The following CPT1A variants were observed in gnomAD, a reference collection of about 807,000 sequenced individuals.
CPT1A encodes carnitine palmitoyltransferase 1A.
A neutral mutation model predicts 100.8 loss-of-function variants in CPT1A; 64 were observed. The observed-to-expected ratio is 0.63, with a 90% confidence interval of 0.52 to 0.78. The LOEUF (loss-of-function observed/expected upper bound fraction) is 0.78, where lower values mean the gene tolerates loss of function less well. Among genes scored for constraint, CPT1A ranks in the 30% least tolerant of loss-of-function variants. The probability of loss-of-function intolerance (pLI) is 0.00; values close to 1 mark genes in which losing one functional copy is unlikely to be tolerated. For synonymous variants in CPT1A, 363 were observed against 396.0 expected (o/e 0.92, Z 0.99); for missense variants, 802 against 1,034.1 (o/e 0.78, Z 3.08).
intron 14 of CPT1A, among the ~76,000 whole-genome samples, chr11:68,769,284 T>G (rs1854915868): frequency 6.6e-6 from 1 of 152,196 alleles, no homozygotes; most frequent in African/African-American, 2.4e-5. Context: ...TCATCCAGGC[T>G]GTAGTGCAGT....
chr11:68,826,361 G>T (rs374236064), intron 1 of CPT1A, among the ~76,000 whole-genome samples: 317 of 152,154 alleles, frequency 2.1e-3, no homozygotes, highest in Middle Eastern at 0.01. Context: ...CAGGAGAATT[G>T]CTTGAACCCG....
rs1594326969 is a variant in CPT1A at position 68,773,435 on chromosome 11, G to C, written c.1576-6C>G. 1 of 1,614,062 alleles carries C rather than the reference G, an allele frequency of 6.2e-7. No homozygotes were observed. Among genetic ancestry groups the C allele is most frequent in the East Asian group, 2.2e-5 (1 of 44,880 alleles). On this transcript the variant is annotated splice_polypyrimidine_tract_variant and splice_region_variant and intron_variant, in intron 13 of 18. Transcript: ENST00000265641. ...GTCTCTATAACCTCTTGACACTTGA[G>C]AGAAAGAAGAAAAAGGTTTTACGGA...
chr11:68,807,709 G>T, intron 3 of CPT1A, 71 bp from the exon 4 acceptor site: 1 of 1,480,444 alleles, frequency 6.8e-7, no homozygotes, highest in Admixed American at 1.8e-5. Context: ...CACCGGTGAC[G>T]CCACAGACAC....
At position 68,756,191 on chromosome 11, in the gene CPT1A, T is replaced by C. The variant is rs1338676436; in HGVS notation, c.*1453A>G. The C allele has an allele frequency of 6.6e-6, 1 of 151,856 alleles. No homozygotes were observed. Among genetic ancestry groups the C allele is most frequent in the East Asian group, 1.9e-4 (1 of 5,182 alleles). 9.4% of individuals were successfully genotyped at this position (151,856 alleles called of 1,614,324 possible). On this transcript the variant is annotated 3_prime_UTR_variant, in exon 19 of 19. Transcript: ENST00000265641. ...ACTCCAACAGTTCAGCCATCGCTGT[T>C]GTACTATCGGGGTGCAGCACTCTGA...
chr11:68,794,909 A>G lies in CPT1A; in HGVS notation c.774T>C (p.Asp258=). 6.2e-7 allele frequency: 1 copy of G among 1,613,908 alleles called. No homozygotes were observed. The highest frequency in any genetic ancestry group is 8.5e-7 in the Non-Finnish European group (1 of 1,179,752). Residue 258 remains aspartate, a splice_region_variant and synonymous_variant, in exon 8 of 19, where the codon GAT becomes GAC. Coordinates refer to ENST00000265641, the MANE Select transcript of CPT1A (RefSeq NM_001876.4). ...TGTGAGTTGGAAGGATATACAGCAGATCCTGAAAAGCGACAAAGGTGGAGA... is the reference window on the plus strand; with the variant it reads ...TGTGAGTTGGAAGGATATACAGCAGGTCCTGAAAAGCGACAAAGGTGGAGA... ...LMVNSNYYAM[D]LLYILPTHIQ...
intron 1 of CPT1A, among the ~76,000 whole-genome samples, chr11:68,835,495 G>A (rs899709364): frequency 2.0e-5 from 3 of 152,190 alleles, no homozygotes; most frequent in African/African-American, 7.2e-5. Flanking sequence ...ATACATTGGT[G>A]TCCCTAAATG....
At chr11:68,809,976 A>G (rs771272990) in intron 3 of CPT1A, among the ~76,000 whole-genome samples, 8 of 152,146 alleles carry the variant, frequency 5.3e-5, no homozygotes, top group Non-Finnish European at 1.0e-4. Context: ...TCAGGAGTTC[A>G]AGACCAGCCT....
intron 1 of CPT1A, among the ~76,000 whole-genome samples, chr11:68,839,029 C>G (rs555478454): frequency 6.6e-6 from 1 of 152,248 alleles, no homozygotes; most frequent in Admixed American, 6.5e-5. Flanking sequence ...CTCCAACACA[C>G]TTTAAACAAA....
intron 10 of CPT1A, among the ~76,000 whole-genome samples, chr11:68,784,207 G>A (rs938948861): frequency 2.0e-5 from 3 of 152,152 alleles, no homozygotes; most frequent in Non-Finnish European, 4.4e-5. Context: ...CTAACACAGG[G>A]GCCTTGGTTT....
chr11:68,757,375 T>A lies in CPT1A; in HGVS notation c.*269A>T, dbSNP rs1172599754. The A allele has an allele frequency of 1.5e-6, 2 of 1,335,300 alleles. No individual in the cohort carries two copies. The highest frequency in any genetic ancestry group is 1.9e-6 in the Non-Finnish European group (2 of 1,039,020). 82.7% of individuals were successfully genotyped at this position (1,335,300 alleles called of 1,614,324 possible). A position where few individuals can be genotyped will look rare whatever the true frequency, so the allele number is the denominator to read the frequency against. The stretch of plus-strand genomic sequence containing the variant: ...CTTCATTAACTCAACAAGATTTGCA[T>A]CCCTTAATAAATCCAAGCCGATGCG... On this transcript the variant is annotated 3_prime_UTR_variant, in exon 19 of 19. Coordinates refer to ENST00000265641, the MANE Select transcript of CPT1A (RefSeq NM_001876.4).
chr11:68,836,519 T>A (rs948508264), intron 1 of CPT1A, among the ~76,000 whole-genome samples: 10 of 151,852 alleles, frequency 6.6e-5, no homozygotes, highest in African/African-American at 2.2e-4. Flanking sequence ...ATGCCTGTAA[T>A]CCCCGCACTT....
At chr11:68,760,719 A>G (rs1245665097) in intron 16 of CPT1A, among the ~76,000 whole-genome samples, 1 of 152,344 alleles carries the variant, frequency 6.6e-6, no homozygotes, top group East Asian at 1.9e-4. Flanking sequence ...AGCCACTATT[A>G]AAAATTAAAT....
intron 1 of CPT1A, among the ~76,000 whole-genome samples, chr11:68,824,634 C>G (rs765151884): frequency 2.0e-5 from 3 of 152,122 alleles, no homozygotes; most frequent in Admixed American, 6.6e-5. Flanking sequence ...GGCACAATCA[C>G]AGCTCACTGC....
chr11:68,779,007 T>A (rs948241241), intron 12 of CPT1A, among the ~76,000 whole-genome samples: 2 of 151,940 alleles, frequency 1.3e-5, no homozygotes, highest in East Asian at 2.0e-4. Context: ...GATGGTCTCG[T>A]TCTCCTGACC....
chr11:68,786,104 G>A, intron 9 of CPT1A: 2 of 701,186 alleles, frequency 2.9e-6, no homozygotes, highest in Non-Finnish European at 5.2e-6. Context: ...GGCTCACCCT[G>A]TATTCCCAGC....
intron 3 of CPT1A, among the ~76,000 whole-genome samples, chr11:68,808,751 G>A (rs573011473): frequency 1.3e-5 from 2 of 151,950 alleles, no homozygotes; most frequent in Non-Finnish European, 2.9e-5. Flanking sequence ...AACTATTTAA[G>A]CATGCTTCAA....
At chr11:68,803,889 C>T (rs912275562) in intron 5 of CPT1A, 111 bp downstream of exon 5, 16 of 831,694 alleles carry the variant, frequency 1.9e-5, no homozygotes, top group Non-Finnish European at 2.9e-5. Context: ...CCAGGCACAC[C>T]GCTGAAGGCT....
chr11:68,768,344 G>A (rs1310518998), intron 14 of CPT1A, among the ~76,000 whole-genome samples: 1 of 151,872 alleles, frequency 6.6e-6, no homozygotes, highest in African/African-American at 2.4e-5. Context: ...CAAAGTGCTG[G>A]GATTACAGGC....
At chr11:68,806,061 C>T (rs1856037299) in intron 4 of CPT1A, among the ~76,000 whole-genome samples, 1 of 151,358 alleles carries the variant, frequency 6.6e-6, no homozygotes, top group African/African-American at 2.4e-5. Flanking sequence ...GCTCTGTCCC[C>T]TAGGAGTGCA....
Sources: gnomAD v4.1 joint callset for allele counts (sites outside exome capture counted in the v4.1 genomes callset) on GRCh38, gnomAD v4.1.1 for gene constraint, MANE v1.5 for transcripts, NCBI Gene and HGNC (gene_info 2026-07-23, HGNC 2026-07-21) for gene names.